The following DLG2 variants were observed in gnomAD, a reference collection of about 807,000 sequenced individuals.
The protein encoded by DLG2 is discs large MAGUK scaffold protein 2, also known as disks large homolog 2.
DLG2 carries 45 observed loss-of-function variants against 132.5 expected under a neutral mutation model. That is an observed-to-expected ratio of 0.34 (90% CI 0.27 to 0.44). DLG2 has a LOEUF of 0.44. Among genes scored for constraint, DLG2 ranks in the 20% least tolerant of loss-of-function variants. The probability of loss-of-function intolerance (pLI) is 1.00; values close to 1 mark genes in which losing one functional copy is unlikely to be tolerated. For synonymous variants in DLG2, 424 were observed against 419.6 expected (o/e 1.01, Z -0.13); for missense variants, 1,045 against 1,196.9 (o/e 0.87, Z 1.87).
At chr11:84,038,588 T>C (rs1221455896) in intron 11 of DLG2, among the ~76,000 whole-genome samples, 1 of 152,086 alleles carries the variant, frequency 6.6e-6, no homozygotes, top group African/African-American at 2.4e-5. Flanking sequence ...AAACTAAATT[T>C]TCTTCCCACA....
intron 7 of DLG2, among the ~76,000 whole-genome samples, chr11:84,263,769 A>G (rs2097576825): frequency 6.6e-6 from 1 of 152,182 alleles, no homozygotes; most frequent in Non-Finnish European, 1.5e-5. Flanking sequence ...AAAATATTTT[A>G]TATCTAGAAT....
At chr11:85,453,906 A>AT (rs556799843) in intron 3 of DLG2, among the ~76,000 whole-genome samples, 14 of 152,026 alleles carry the variant, frequency 9.2e-5, no homozygotes, top group Non-Finnish European at 1.8e-4. Flanking sequence ...CCCAATAGGT[A>AT]TTTTTTTATG....
rs869183421 is a variant in DLG2, at chr11:84,121,541, A to ATTTTTTTTTTTTTTT, written c.625-22509_625-22495dup. 1.6e-4 allele frequency among the ~76,000 whole-genome samples: 11 copies of ATTTTTTTTTTTTTTT among 66,688 alleles called. 2 individuals are homozygous for ATTTTTTTTTTTTTTT. The highest frequency in any genetic ancestry group is 1.4e-3 in the South Asian group (2 of 1,454). 43.7% of individuals were successfully genotyped at this position (66,688 alleles called of 152,430 possible). ...TTACTCTCACTTATATTCCTTGCTA[A>ATTTTTTTTTTTTTTT]TTTTTTTTTTTTTTTTTTTTTTTTT... On this transcript the variant is annotated intron_variant, in intron 9 of 27. Coordinates refer to ENST00000376104, the MANE Select transcript of DLG2 (RefSeq NM_001142699.3).
intron 18 of DLG2, among the ~76,000 whole-genome samples, chr11:83,775,701 AT>A (rs11290222): frequency 0.25 from 37,417 of 151,360 alleles, 5,485 homozygotes; most frequent in African/African-American, 0.4. Context: ...TTTATATAAA[AT>A]AAGTTCATTG....
intron 7 of DLG2, among the ~76,000 whole-genome samples, chr11:84,418,751 C>G (rs1456849484): frequency 6.6e-6 from 1 of 152,168 alleles, no homozygotes; most frequent in Non-Finnish European, 1.5e-5. Flanking sequence ...TATTCTCAAC[C>G]TAGAATAAAT....
intron 8 of DLG2, among the ~76,000 whole-genome samples, chr11:84,233,847 T>C (rs757272971): frequency 6.6e-6 from 1 of 152,222 alleles, no homozygotes; most frequent in Admixed American, 6.5e-5. Context: ...CCTTGTCATC[T>C]GTGAGACAGT....
intron 15 of DLG2, among the ~76,000 whole-genome samples, chr11:83,875,457 G>T (rs1414888296): frequency 6.6e-6 from 1 of 152,074 alleles, no homozygotes; most frequent in African/African-American, 2.4e-5. Context: ...GCCTGAAATG[G>T]CATTGAGACT....
chr11:85,536,214 C>CAAAAA (rs527811605), intron 3 of DLG2, among the ~76,000 whole-genome samples: 2 of 57,502 alleles, frequency 3.5e-5, no homozygotes, highest in Admixed American at 2.0e-4. Flanking sequence ...GACCCTGTCT[C>CAAAAA]AAAAAAAAAA....
At chr11:85,547,263 G>C (rs2076396803) in intron 3 of DLG2, among the ~76,000 whole-genome samples, 1 of 152,150 alleles carries the variant, frequency 6.6e-6, no homozygotes, top group Non-Finnish European at 1.5e-5. Flanking sequence ...AGCTTAGTTT[G>C]GCTGGATATG....
chr11:85,169,243 T>C (rs985879199), intron 4 of DLG2, among the ~76,000 whole-genome samples: 7 of 152,158 alleles, frequency 4.6e-5, no homozygotes, highest in Non-Finnish European at 7.4e-5. Flanking sequence ...TTCAGGTTGA[T>C]TGTATATGTG....
At chr11:84,614,365 G>A (rs900867957) in intron 6 of DLG2, among the ~76,000 whole-genome samples, 9 of 152,222 alleles carry the variant, frequency 5.9e-5, no homozygotes, top group East Asian at 5.8e-4. Context: ...GAAACCGTGT[G>A]GGCAAAAGAA....
chr11:85,212,914 G>A (rs1215245059), intron 4 of DLG2, among the ~76,000 whole-genome samples: 1 of 152,078 alleles, frequency 6.6e-6, no homozygotes, highest in Non-Finnish European at 1.5e-5. Context: ...GAAGTAACCA[G>A]ATAAAAGTAA....
At chr11:85,306,439 G>C (rs1596102915) in intron 3 of DLG2, among the ~76,000 whole-genome samples, 2 of 152,210 alleles carry the variant, frequency 1.3e-5, no homozygotes, top group African/African-American at 4.8e-5. Context: ...AATAAACCTA[G>C]TCTCAGGCTC....
At chr11:85,319,352 G>C (rs2080896779) in intron 3 of DLG2, among the ~76,000 whole-genome samples, 1 of 151,656 alleles carries the variant, frequency 6.6e-6, no homozygotes, top group Non-Finnish European at 1.5e-5. Context: ...AGTAATCTTG[G>C]AGAGTAGTTC....
At chr11:84,578,227 CCCA>C (rs149430708) in intron 6 of DLG2, among the ~76,000 whole-genome samples, 8,005 of 152,136 alleles carry the variant, frequency 0.053, 266 homozygotes, top group African/African-American at 0.08. Flanking sequence ...GATCAGACCC[CCCA>C]CCCCATACAA....
At chr11:85,172,980 C>A (rs2078981840) in intron 4 of DLG2, among the ~76,000 whole-genome samples, 2 of 152,036 alleles carry the variant, frequency 1.3e-5, no homozygotes, top group South Asian at 2.1e-4. Context: ...CGTAAAGTGA[C>A]CAAACCTATG....
chr11:85,600,039 C>T (rs1040730273), intron 2 of DLG2, among the ~76,000 whole-genome samples: 6 of 152,124 alleles, frequency 3.9e-5, no homozygotes, highest in African/African-American at 1.4e-4. Context: ...TCCAACTCTT[C>T]TTCCTCATGG....
At chr11:84,479,761 G>A (rs1245567274) in intron 7 of DLG2, among the ~76,000 whole-genome samples, 1 of 151,982 alleles carries the variant, frequency 6.6e-6, no homozygotes, top group Non-Finnish European at 1.5e-5. Context: ...ACAATTATTT[G>A]GAGCTTCAGT....
At chr11:85,258,254 C>A (rs940727397) in intron 4 of DLG2, among the ~76,000 whole-genome samples, 1 of 152,046 alleles carries the variant, frequency 6.6e-6, no homozygotes, top group African/African-American at 2.4e-5. Context: ...CAATATAGTC[C>A]TCTCCACTAT....
Sources: gnomAD v4.1 joint callset for allele counts (sites outside exome capture counted in the v4.1 genomes callset) on GRCh38, gnomAD v4.1.1 for gene constraint, MANE v1.5 for transcripts, NCBI Gene and HGNC (gene_info 2026-07-23, HGNC 2026-07-21) for gene names.